RALGAPA2: variants seen among roughly 807,000 people sequenced by gnomAD.
The protein encoded by RALGAPA2 is Ral GTPase activating protein catalytic subunit alpha 2.
A neutral mutation model predicts 230.4 loss-of-function variants in RALGAPA2; 139 were observed. That is an observed-to-expected ratio of 0.60 (90% CI 0.53 to 0.69). RALGAPA2 has a LOEUF of 0.69. RALGAPA2 is among the 30% of genes least tolerant of loss of function. The pLI is 0.00. For synonymous variants in RALGAPA2, 847 were observed against 837.8 expected (o/e 1.01, Z -0.19); for missense variants, 2,163 against 2,276.0 (o/e 0.95, Z 1.01).
chr20:20,615,053 A>AG (rs1328955011), intron 13 of RALGAPA2, among the ~76,000 whole-genome samples: 1 of 152,066 alleles, frequency 6.6e-6, no homozygotes, highest in Non-Finnish European at 1.5e-5. Flanking sequence ...CAGAAGTGAG[A>AG]GGCTGATGAC....
chr20:20,495,260 T>G lies in RALGAPA2; in HGVS notation c.5224A>C (p.Asn1742His). The G allele has an allele frequency of 6.5e-7, 1 of 1,527,010 alleles. No homozygotes were observed. The highest frequency in any genetic ancestry group is 8.9e-7 in the Non-Finnish European group (1 of 1,122,070). 94.6% of individuals were successfully genotyped at this position (1,527,010 alleles called of 1,614,324 possible). Residue 1742 changes from asparagine to histidine, a missense_variant, in exon 36 of 40, where the codon AAT becomes CAT. Coordinates refer to ENST00000202677, the MANE Select transcript of RALGAPA2 (RefSeq NM_020343.4). The stretch of plus-strand genomic sequence containing the variant: ...GACCAGACGATATGGACCTCGTCAT[T>G]CCCCAAGTGACGAAGCTGCAACAGC... ...SLTKKLRHLG[N>H]DEVHIVWSEH...
intron 23 of RALGAPA2, among the ~76,000 whole-genome samples, chr20:20,552,037 C>G (rs898863218): frequency 1.3e-5 from 2 of 152,180 alleles, no homozygotes; most frequent in African/African-American, 2.4e-5. Flanking sequence ...AAAATGTTCA[C>G]TTTAAAGCAG....
At chr20:20,550,043 A>T (rs2063880197) in intron 23 of RALGAPA2, among the ~76,000 whole-genome samples, 2 of 152,068 alleles carry the variant, frequency 1.3e-5, no homozygotes, top group South Asian at 2.1e-4. Flanking sequence ...TGGTCAGATG[A>T]GTAAGTTCTT....
chr20:20,504,626 T>G (rs2062474526), intron 34 of RALGAPA2, among the ~76,000 whole-genome samples: 3 of 151,862 alleles, frequency 2.0e-5, no homozygotes, highest in Admixed American at 6.6e-5. Flanking sequence ...CTTGGGAGGC[T>G]GAGGCAGGAG....
chr20:20,483,405 G>A (rs1050568526), intron 36 of RALGAPA2, among the ~76,000 whole-genome samples: 5 of 152,184 alleles, frequency 3.3e-5, no homozygotes, highest in African/African-American at 9.7e-5. Context: ...GAGAGAATGG[G>A]CAAGTGGAGG....
intron 3 of RALGAPA2, among the ~76,000 whole-genome samples, chr20:20,664,222 T>G (rs2067882217): frequency 6.6e-6 from 1 of 152,188 alleles, no homozygotes; most frequent in Non-Finnish European, 1.5e-5. Flanking sequence ...ACTACCGTAT[T>G]AAGTAGTAAA....
intron 36 of RALGAPA2, among the ~76,000 whole-genome samples, chr20:20,483,198 C>T (rs562586526): frequency 1.3e-5 from 2 of 152,080 alleles, no homozygotes; most frequent in South Asian, 2.1e-4. Context: ...TGTTTTTATA[C>T]GTGGAGAGAA....
In RALGAPA2 at chr20:20,513,276, T is replaced by C; in HGVS notation, c.4093A>G (p.Arg1365Gly). The change falls in exon 32 of 40, where the codon AGA (arginine) becomes GGA (glycine). Residue 1365 changes from arginine to glycine, a missense_variant. Coordinates refer to ENST00000202677, the MANE Select transcript of RALGAPA2 (RefSeq NM_020343.4). ...AAAGGGATCAACTCCAAACTTCTTC[T>C]CTTCTTCTCTGTAAACAGCGGTAAA... ...NLLTVEEEKK[R>G]RSLELIPLTA... The C allele has an allele frequency of 6.8e-7, 1 of 1,460,740 alleles. No homozygotes were observed. The highest frequency in any genetic ancestry group is 9.0e-7 in the Non-Finnish European group (1 of 1,106,326). The allele number at this position is 1,460,740 out of a possible 1,614,324, so 90.5% of individuals were successfully genotyped here.
intron 18 of RALGAPA2, among the ~76,000 whole-genome samples, chr20:20,588,967 G>T (rs1182427781): frequency 6.6e-6 from 1 of 152,088 alleles, no homozygotes; most frequent in East Asian, 1.9e-4. Flanking sequence ...TGTCAGGAAT[G>T]GGGAATCTGA....
rs746778733 is a variant in RALGAPA2 at position 20,571,956 on chromosome 20, A to G, written c.2902-10T>C. 3 of 1,571,902 alleles carry G rather than the reference A, an allele frequency of 1.9e-6. No homozygotes were observed. The highest frequency in any genetic ancestry group is 2.6e-6 in the Non-Finnish European group (3 of 1,147,622). ...CTAGATTATCCCGTATCTAATTCAC[A>G]AAGAGGAGAATTTTAGGGTAGGTAA... On this transcript the variant is annotated splice_polypyrimidine_tract_variant and intron_variant, in intron 21 of 39. Transcript: ENST00000202677.
At position 20,591,057 on chromosome 20, in the gene RALGAPA2, AAAGG is replaced by A. The variant is rs2065274065; in HGVS notation, c.2341+116_2341+119del. ...AATCACATCCTTCTAATCAAATTAA[AAAGG>A]TAATTCCCTTGAAATAAATATATTC... is the stretch of plus-strand genomic sequence containing the variant. On this transcript the variant is annotated intron_variant, in intron 17 of 39. Transcript: ENST00000202677. 21 of 1,189,206 alleles carry A rather than the reference AAAGG, an allele frequency of 1.8e-5. No individual in the cohort carries two copies. In the East Asian group the frequency reaches 5.2e-4, roughly 29 times the overall value. 73.7% of individuals were successfully genotyped at this position (1,189,206 alleles called of 1,614,324 possible).
At chr20:20,624,286 C>T (rs768637337) in intron 10 of RALGAPA2, among the ~76,000 whole-genome samples, 3 of 145,066 alleles carry the variant, frequency 2.1e-5, no homozygotes, top group South Asian at 4.3e-4. Context: ...AAGATCGCAC[C>T]ACTGCACTCC....
intron 37 of RALGAPA2, among the ~76,000 whole-genome samples, chr20:20,450,871 A>C (rs1229109598): frequency 2.0e-5 from 3 of 152,240 alleles, no homozygotes; most frequent in Admixed American, 1.3e-4. Context: ...ACTACTGACC[A>C]AGAGTTCAGG....
chr20:20,421,344 T>C (rs572769415), intron 37 of RALGAPA2, among the ~76,000 whole-genome samples: 1 of 152,240 alleles, frequency 6.6e-6, no homozygotes, highest in South Asian at 2.1e-4. Context: ...GTGGAGAAAT[T>C]GGAATCCTCA....
chr20:20,505,700 T>A (rs2062513268), intron 33 of RALGAPA2, among the ~76,000 whole-genome samples, 166 bp from the exon 34 acceptor site: 1 of 152,220 alleles, frequency 6.6e-6, no homozygotes, highest in African/African-American at 2.4e-5. Flanking sequence ...TCTCATTTAT[T>A]CTTCAAAACC....
intron 24 of RALGAPA2, among the ~76,000 whole-genome samples, chr20:20,543,944 AAAAC>A (rs928449218): frequency 5.9e-4 from 90 of 151,942 alleles, no homozygotes; most frequent in Middle Eastern, 3.4e-3. Flanking sequence ...AAAAAAAGAA[AAAAC>A]AAACAAACAA....
At chr20:20,634,530 T>C (rs2066792166) in intron 9 of RALGAPA2, among the ~76,000 whole-genome samples, 1 of 152,200 alleles carries the variant, frequency 6.6e-6, no homozygotes, top group Non-Finnish European at 1.5e-5. Context: ...CTCTAGACTG[T>C]TTGGTGTTCC....
chr20:20,605,858 T>C (rs2065803318), intron 14 of RALGAPA2, among the ~76,000 whole-genome samples: 1 of 151,956 alleles, frequency 6.6e-6, no homozygotes, highest in Non-Finnish European at 1.5e-5. Flanking sequence ...TCAATGAGAC[T>C]CCCCTCAACC....
At chr20:20,394,101 CT>C (rs763984160) in intron 39 of RALGAPA2, among the ~76,000 whole-genome samples, 2 of 152,220 alleles carry the variant, frequency 1.3e-5, no homozygotes, top group Non-Finnish European at 2.9e-5. Context: ...ACTTGCAGGG[CT>C]TTGGCCTTTG....
Sources: gnomAD v4.1 joint callset for allele counts (sites outside exome capture counted in the v4.1 genomes callset) on GRCh38, gnomAD v4.1.1 for gene constraint, MANE v1.5 for transcripts, NCBI Gene and HGNC (gene_info 2026-07-23, HGNC 2026-07-21) for gene names.